PKHD1: variants seen among roughly 807,000 people sequenced by gnomAD.
PKHD1 encodes the protein PKHD1 ciliary IPT domain containing fibrocystin/polyductin, also known as fibrocystin.
PKHD1 carries 291 observed loss-of-function variants against 412.0 expected under a neutral mutation model. The ratio of observed to expected loss-of-function variants is 0.71; its 90% CI spans 0.64 to 0.78. The LOEUF (loss-of-function observed/expected upper bound fraction) is 0.78, where lower values mean the gene tolerates loss of function less well. Among genes scored for constraint, PKHD1 ranks in the 30% least tolerant of loss-of-function variants. The pLI, the probability that PKHD1 is intolerant of heterozygous loss-of-function variation, is 0.00. For synonymous variants in PKHD1, 1,777 were observed against 1,821.5 expected, an observed-to-expected ratio of 0.98 and a Z score of 0.62; for missense variants, 4,825 against 4,950.7, an observed-to-expected ratio of 0.97 and a Z score of 0.76.
In PKHD1 at chr6:52,053,229, G is replaced by C; in HGVS notation, c.1987C>G (p.Leu663Val). 6.2e-7 allele frequency: 1 copy of C among 1,614,208 alleles called. No individual in the cohort carries two copies. Among genetic ancestry groups the C allele is most frequent in the Non-Finnish European group, 8.5e-7 (1 of 1,180,026 alleles). Residue 663 changes from leucine to valine, a missense_variant, in exon 21 of 67, where the codon CTC (leucine) becomes GTC (valine). Coordinates refer to ENST00000371117, the MANE Select transcript of PKHD1 (RefSeq NM_138694.4). Reference sequence around the variant, plus strand: ...AAGCAACGCACACAAGTCTCCCAGAGGTCAGTGCAATCGAACTGCCAGCTG... The same window carrying C: ...AAGCAACGCACACAAGTCTCCCAGACGTCAGTGCAATCGAACTGCCAGCTG... ...PESWQFDCTDLWETCVRCFGD... is the reference protein window; with the variant it reads ...PESWQFDCTDVWETCVRCFGD...
intron 52 of PKHD1, 22 bp from the exon 53 acceptor site, chr6:51,791,395 C>A: frequency 6.2e-7 from 1 of 1,611,610 alleles, no homozygotes. Context: ...AAAGAAATTG[C>A]TCAGATATGT....
intron 11 of PKHD1, among the ~76,000 whole-genome samples, chr6:52,066,827 G>C (rs754504216): frequency 1.3e-5 from 2 of 152,108 alleles, no homozygotes; most frequent in African/African-American, 4.8e-5. Context: ...TTGAACCCAG[G>C]AGGCGGAGGT....
intron 53 of PKHD1, among the ~76,000 whole-genome samples, chr6:51,785,468 T>A (rs1457701813): frequency 1.3e-5 from 2 of 152,318 alleles, no homozygotes; most frequent in East Asian, 3.9e-4. Flanking sequence ...CCTGAAGCAG[T>A]AAGTGTTGCA....
intron 57 of PKHD1, among the ~76,000 whole-genome samples, chr6:51,749,915 G>T (rs1785808094): frequency 6.6e-6 from 1 of 152,060 alleles, no homozygotes; most frequent in Non-Finnish European, 1.5e-5. Flanking sequence ...CATTTTTAAG[G>T]TACTGACTAA....
At chr6:51,739,962 GC>G in intron 60 of PKHD1, 1 of 518,812 alleles carries the variant, frequency 1.9e-6, no homozygotes, top group South Asian at 1.4e-5. Flanking sequence ...AGAATGGAAA[GC>G]TTTGGTATCT....
intron 29 of PKHD1, among the ~76,000 whole-genome samples, chr6:52,030,675 G>C (rs1802905010): frequency 6.6e-6 from 1 of 152,086 alleles, no homozygotes; most frequent in Admixed American, 6.6e-5. Context: ...CAAGGGAACT[G>C]GGAGGGGGTG....
chr6:51,768,164 GT>G (rs56284723), intron 55 of PKHD1, among the ~76,000 whole-genome samples: 27,813 of 148,904 alleles, frequency 0.19, 3,336 homozygotes, highest in African/African-American at 0.35. Context: ...TGAGGGGGTT[GT>G]TTTTTTTTTC....
rs10948667 is a variant in PKHD1 at position 52,048,442 on chromosome 6, G to A, written c.2407+50C>T. On this transcript the variant is annotated intron_variant, in intron 23 of 66. Transcript: ENST00000371117. ...CAGGATGTTGTTCCCTTGGGAATGTGAGTGAGAATATGTGAGTGAGAATTG... is the reference window on the plus strand; with the variant it reads ...CAGGATGTTGTTCCCTTGGGAATGTAAGTGAGAATATGTGAGTGAGAATTG... 0.49 allele frequency: 768,815 copies of A among 1,569,940 alleles called. 196,477 individuals carry two copies. The highest frequency in any genetic ancestry group is 0.62 in the Admixed American group (37,110 of 59,976).
At chr6:52,042,734 T>A in intron 27 of PKHD1, 125 bp downstream of exon 27, 1 of 849,854 alleles carries the variant, frequency 1.2e-6, no homozygotes, top group Non-Finnish European at 1.9e-6. Context: ...AATACTTATG[T>A]CAGTAAACAA....
chr6:52,031,698 T>A (rs994494913), intron 29 of PKHD1, among the ~76,000 whole-genome samples: 1 of 152,170 alleles, frequency 6.6e-6, no homozygotes, highest in African/African-American at 2.4e-5. Context: ...AGCCTCACGG[T>A]CATCATCAAC....
At chr6:51,966,050 A>T (rs529419069) in intron 35 of PKHD1, among the ~76,000 whole-genome samples, 58 of 152,258 alleles carry the variant, frequency 3.8e-4, no homozygotes. Context: ...AATGCTATAC[A>T]TTTTACTTAC....
Position 52,005,240 on chromosome 6 carries a change from G to A in PKHD1, c.5751+5069C>T, listed in dbSNP as rs944761921. Among the ~76,000 whole-genome samples the A allele has an allele frequency of 1.1e-4, 16 of 152,166 alleles. No homozygotes were observed. In the East Asian group the frequency reaches 2.3e-3, roughly 22 times the overall value. On this transcript the variant is annotated intron_variant, in intron 35 of 66. Transcript: ENST00000371117. ...AGCTGAGATGCTTCTACCTCTCGTC[G>A]GTTTACCAATCAGTTCATCCATACC...
chr6:51,619,503 T>A lies in PKHD1; in HGVS notation c.11803A>T (p.Met3935Leu). ...GGGCACTGGTTCACCTTGCCCAGCATGACCTTCATTCTCATATCTGGGGGG... is the reference window on the plus strand; with the variant it reads ...GGGCACTGGTTCACCTTGCCCAGCAAGACCTTCATTCTCATATCTGGGGGG... The part of the protein sequence containing the change: ...VVGEDMRMKV[M>L]LGKVNQCPHQ... Residue 3935 changes from methionine (M) to leucine (L), a missense_variant, in exon 67 of 67, where the codon ATG (methionine) becomes TTG (leucine). Coordinates refer to ENST00000371117, the MANE Select transcript of PKHD1 (RefSeq NM_138694.4). 1 of 1,614,096 alleles carries A rather than the reference T, an allele frequency of 6.2e-7. No individual in the cohort carries two copies. The highest frequency in any genetic ancestry group is 8.5e-7 in the Non-Finnish European group (1 of 1,179,912).
chr6:51,991,907 TC>T (rs1244453439), intron 35 of PKHD1, among the ~76,000 whole-genome samples: 3 of 152,234 alleles, frequency 2.0e-5, no homozygotes, highest in Admixed American at 1.3e-4. Flanking sequence ...TTCCTATACT[TC>T]TACACCCAAT....
intron 60 of PKHD1, among the ~76,000 whole-genome samples, chr6:51,689,959 C>A (rs1777937352): frequency 6.6e-6 from 1 of 152,050 alleles, no homozygotes; most frequent in African/African-American, 2.4e-5. Context: ...TATAAACTAC[C>A]ATTGAAATTC....
chr6:51,898,259 T>C (rs1780496127), intron 43 of PKHD1, among the ~76,000 whole-genome samples: 1 of 149,774 alleles, frequency 6.7e-6, no homozygotes, highest in Non-Finnish European at 1.5e-5. Context: ...ACCACATACT[T>C]GGAAGTAAAG....
chr6:51,714,215 C>T (rs1432514592), intron 60 of PKHD1, among the ~76,000 whole-genome samples: 1 of 152,068 alleles, frequency 6.6e-6, no homozygotes, highest in Non-Finnish European at 1.5e-5. Context: ...ATGAAAAATA[C>T]AAAAATTAGC....
At chr6:51,813,884 G>C (rs1157658635) in intron 52 of PKHD1, among the ~76,000 whole-genome samples, 1 of 151,918 alleles carries the variant, frequency 6.6e-6, no homozygotes, top group Non-Finnish European at 1.5e-5. Context: ...CCTTCTCTTT[G>C]TTACCTGAAA....
Position 51,959,895 on chromosome 6 carries a change from G to A in PKHD1, c.5883C>T (p.Ser1961=). 1 of 1,613,398 alleles carries A rather than the reference G, an allele frequency of 6.2e-7. No homozygotes were observed. The highest frequency in any genetic ancestry group is 1.1e-5 in the South Asian group (1 of 91,070). The stretch of plus-strand genomic sequence containing the variant: ...CTTTAATGTGCAGTAAGTTGAGGAT[G>A]CTTGTGTTAGTGTCCAGCAGAAGCA... ...GQLLLLDTNT[S]ILNLLHIKGG... is the part of the protein sequence containing the mutation. The change falls in exon 36 of 67, where the codon AGC becomes AGT. Residue 1961 remains serine, a synonymous_variant. Transcript: ENST00000371117.
Sources: allele counts gnomAD v4.1 joint callset (sites outside exome capture counted in the v4.1 genomes callset), GRCh38; gene constraint gnomAD v4.1.1; transcripts MANE v1.5; gene names NCBI Gene and HGNC (gene_info 2026-07-23, HGNC 2026-07-21).